The following ADAMTS6 variants were observed in gnomAD, a reference collection of about 807,000 sequenced individuals.
ADAMTS6 encodes A disintegrin and metalloproteinase with thrombospondin motifs 6.
A neutral mutation model predicts 144.3 loss-of-function variants in ADAMTS6; 23 were observed. The observed-to-expected ratio is 0.16, with a 90% confidence interval of 0.11 to 0.23. The LOEUF is 0.23. Among genes scored for constraint, ADAMTS6 ranks in the 10% least tolerant of loss-of-function variants. The probability of loss-of-function intolerance (pLI) is 1.00; values close to 1 mark genes in which losing one functional copy is unlikely to be tolerated. For synonymous variants in ADAMTS6, 444 were observed against 457.5 expected, an observed-to-expected ratio of 0.97 and a Z score of 0.38; for missense variants, 999 against 1,379.6, an observed-to-expected ratio of 0.72 and a Z score of 4.37.
chr5:65,180,236 G>A (rs1248258198), intron 22 of ADAMTS6, among the ~76,000 whole-genome samples: 2 of 152,100 alleles, frequency 1.3e-5, no homozygotes, highest in African/African-American at 4.8e-5. Flanking sequence ...ATGATTCAAT[G>A]CAAACTCTTT....
intron 20 of ADAMTS6, chr5:65,210,825 G>T: frequency 2.3e-6 from 1 of 439,746 alleles, no homozygotes; most frequent in Middle Eastern, 6.7e-4. Context: ...CTCCAGACAT[G>T]ATGGGGAAGA....
At chr5:65,285,058 G>T (rs1441127340) in intron 11 of ADAMTS6, among the ~76,000 whole-genome samples, 1 of 152,130 alleles carries the variant, frequency 6.6e-6, no homozygotes, top group Non-Finnish European at 1.5e-5. Context: ...CAAGAGAAAA[G>T]GGAAAAGAGG....
chr5:65,371,627 G>C (rs1182309831), intron 7 of ADAMTS6, among the ~76,000 whole-genome samples: 7 of 152,266 alleles, frequency 4.6e-5, no homozygotes, highest in Middle Eastern at 6.8e-3. Flanking sequence ...TATGTGAAAA[G>C]ACCAAATCTA....
At chr5:65,357,365 T>C (rs1749415031) in intron 7 of ADAMTS6, among the ~76,000 whole-genome samples, 1 of 151,652 alleles carries the variant, frequency 6.6e-6, no homozygotes, top group Admixed American at 6.6e-5. Flanking sequence ...TGCACACTCT[T>C]ACATTTGTAA....
At chr5:65,418,842 A>C (rs1222884589) in intron 7 of ADAMTS6, among the ~76,000 whole-genome samples, 1 of 152,200 alleles carries the variant, frequency 6.6e-6, no homozygotes, top group Non-Finnish European at 1.5e-5. Context: ...TCAAAACCAC[A>C]ATGAAATACC....
At chr5:65,415,457 T>C (rs1341256731) in intron 7 of ADAMTS6, 1 of 177,240 alleles carries the variant, frequency 5.6e-6, no homozygotes, top group Non-Finnish European at 1.2e-5. Context: ...GCCAAGGTCA[T>C]GGCCATGGTC....
At chr5:65,226,392 G>T (rs6889661) in intron 15 of ADAMTS6, among the ~76,000 whole-genome samples, 173 bp from the exon 16 acceptor site, 30,362 of 151,568 alleles carry the variant, frequency 0.2, 4,229 homozygotes, top group African/African-American at 0.4. Context: ...TTTAATTGGT[G>T]GTGCAACTTA....
chr5:65,232,317 G>A (rs774109150), intron 15 of ADAMTS6, among the ~76,000 whole-genome samples: 2 of 151,866 alleles, frequency 1.3e-5, no homozygotes, highest in Non-Finnish European at 1.5e-5. Flanking sequence ...AGAAAAGGAA[G>A]AACAACCTAA....
At chr5:65,199,697 CTAAATG>C (rs1755612711) in intron 20 of ADAMTS6, among the ~76,000 whole-genome samples, 1 of 152,132 alleles carries the variant, frequency 6.6e-6, no homozygotes, top group African/African-American at 2.4e-5. Context: ...AAACTGTCAG[CTAAATG>C]TAGTTGGCAG....
chr5:65,159,729 T>G (rs972804397), intron 24 of ADAMTS6, among the ~76,000 whole-genome samples: 1 of 152,224 alleles, frequency 6.6e-6, no homozygotes, highest in Admixed American at 6.5e-5. Flanking sequence ...GGGAACCTGT[T>G]GTATTGCGTT....
intron 9 of ADAMTS6, among the ~76,000 whole-genome samples, chr5:65,304,055 G>A (rs1743704894): frequency 6.6e-6 from 1 of 152,162 alleles, no homozygotes; most frequent in Non-Finnish European, 1.5e-5. Context: ...AAAATCCTGA[G>A]TTTTATTTCA....
intron 7 of ADAMTS6, among the ~76,000 whole-genome samples, chr5:65,436,238 G>A (rs1455959949): frequency 2.0e-5 from 3 of 151,778 alleles, no homozygotes; most frequent in African/African-American, 7.3e-5. Context: ...ACACACGCAT[G>A]CACACACTCA....
chr5:65,303,933 A>G (rs979563307), intron 9 of ADAMTS6, among the ~76,000 whole-genome samples: 2 of 152,192 alleles, frequency 1.3e-5, no homozygotes, highest in African/African-American at 4.8e-5. Flanking sequence ...TCATAAAAAG[A>G]AAAATTTTGG....
chr5:65,189,197 T>G (rs1754848183), intron 21 of ADAMTS6, among the ~76,000 whole-genome samples: 1 of 152,218 alleles, frequency 6.6e-6, no homozygotes, highest in South Asian at 2.1e-4. Context: ...AGTCATAAAC[T>G]TTCACATACA....
chr5:65,481,650 C>CA lies in ADAMTS6; in HGVS notation c.-588dup, dbSNP rs1761214545. ...CCCCTTTCTCTCCCTCCCCACCCCCCAAAAAAGGAAAGGAAAAGAAAGAAA... is the reference window on the plus strand; with the variant it reads ...CCCCTTTCTCTCCCTCCCCACCCCCCAAAAAAAGGAAAGGAAAAGAAAGAAA... On this transcript the variant is annotated 5_prime_UTR_variant, in exon 1 of 25. Transcript: ENST00000381055. 6.6e-6 allele frequency: 1 copy of CA among 152,110 alleles called. No individual in the cohort carries two copies. Among genetic ancestry groups the CA allele is most frequent in the Non-Finnish European group, 1.5e-5 (1 of 68,160 alleles). 9.4% of individuals were successfully genotyped at this position (152,110 alleles called of 1,614,324 possible).
intron 7 of ADAMTS6, among the ~76,000 whole-genome samples, chr5:65,341,848 C>A (rs1238661259): frequency 2.0e-5 from 3 of 151,902 alleles, no homozygotes; most frequent in African/African-American, 7.2e-5. Flanking sequence ...TTCTATGAGG[C>A]CACCATAACT....
At chr5:65,332,304 T>TAG (rs1472009777) in intron 8 of ADAMTS6, among the ~76,000 whole-genome samples, 98 of 117,920 alleles carry the variant, frequency 8.3e-4, no homozygotes, top group Admixed American at 2.5e-3. Context: ...TATATATATA[T>TAG]ATATATATAG....
intron 7 of ADAMTS6, among the ~76,000 whole-genome samples, chr5:65,363,503 CTT>C (rs1241565250): frequency 1.3e-5 from 2 of 152,050 alleles, no homozygotes; most frequent in East Asian, 3.8e-4. Context: ...AAATCTTTAC[CTT>C]TTCATCCCAA....
At chr5:65,465,013 C>T (rs1759893366) in intron 3 of ADAMTS6, among the ~76,000 whole-genome samples, 2 of 152,176 alleles carry the variant, frequency 1.3e-5, no homozygotes, top group Admixed American at 6.6e-5. Context: ...TAAACCACAA[C>T]CTTGATAAGA....
Sources: gnomAD v4.1 joint callset for allele counts (sites outside exome capture counted in the v4.1 genomes callset) on GRCh38, gnomAD v4.1.1 for gene constraint, MANE v1.5 for transcripts, NCBI Gene and HGNC (gene_info 2026-07-23, HGNC 2026-07-21) for gene names.